Variants in CPHXL2 observed in about 807,000 individuals in gnomAD.
CPHXL2 encodes cytoplasmic polyadenylated homeobox like 2, also known as cytoplasmic polyadenylated homeobox-like protein 2.
At chr16:75,674,099 G>A in the CPHXL2 span, among the ~76,000 whole-genome samples, 1 of 148,688 alleles carries the variant, frequency 6.7e-6, no homozygotes, top group Non-Finnish European at 1.5e-5. Context: ...TTTGGCTGGG[G>A]GTGGTGGCTC....
chr16:75,661,200 CTT>C, the CPHXL2 span: 3 of 400,640 alleles, frequency 7.5e-6, no homozygotes, highest in Admixed American at 4.4e-5. Context: ...AAGAAATATT[CTT>C]TGTCTTTCTT....
chr16:75,665,077 A>G, the CPHXL2 span, among the ~76,000 whole-genome samples: 1 of 152,236 alleles, frequency 6.6e-6, no homozygotes, highest in South Asian at 2.1e-4. Context: ...GGCAGCGCTC[A>G]TGAGAGTCTA....
the CPHXL2 span, among the ~76,000 whole-genome samples, chr16:75,668,623 G>A: frequency 6.6e-6 from 1 of 152,168 alleles, no homozygotes; most frequent in South Asian, 2.1e-4. Context: ...ATAAAACTGT[G>A]TAGAATTTGC....
chr16:75,660,850 A>G, the CPHXL2 span: 1 of 398,424 alleles, frequency 2.5e-6, no homozygotes, highest in Non-Finnish European at 4.4e-6. Flanking sequence ...TCACCTCCAT[A>G]CTCCAAAGCA....
At chr16:75,671,167 G>C in the CPHXL2 span, among the ~76,000 whole-genome samples, 1 of 152,124 alleles carries the variant, frequency 6.6e-6, no homozygotes, top group Non-Finnish European at 1.5e-5. Context: ...CAGATAACTT[G>C]AGGTCAGGAG....
chr16:75,667,796 A>G, the CPHXL2 span, among the ~76,000 whole-genome samples: 1 of 152,240 alleles, frequency 6.6e-6, no homozygotes, highest in Non-Finnish European at 1.5e-5. Flanking sequence ...GACATGTGAA[A>G]CATGTGTCCA....
At chr16:75,667,324 A>G in the CPHXL2 span, among the ~76,000 whole-genome samples, 1 of 151,934 alleles carries the variant, frequency 6.6e-6, no homozygotes, top group Non-Finnish European at 1.5e-5. Flanking sequence ...AAAAAAAAAA[A>G]AAAAAATTAG....
At chr16:75,669,037 G>A in the CPHXL2 span, among the ~76,000 whole-genome samples, 3 of 152,038 alleles carry the variant, frequency 2.0e-5, no homozygotes, top group African/African-American at 7.2e-5. Context: ...GGAAATGGCT[G>A]GAGATGGTGG....
the CPHXL2 span, among the ~76,000 whole-genome samples, chr16:75,664,309 T>C: frequency 2.2e-4 from 33 of 152,328 alleles, no homozygotes; most frequent in African/African-American, 7.7e-4. Context: ...TTAAGATCTG[T>C]CTCAGATACT....
chr16:75,663,811 G>A, the CPHXL2 span, among the ~76,000 whole-genome samples: 1 of 151,010 alleles, frequency 6.6e-6, no homozygotes, highest in African/African-American at 2.5e-5. Context: ...GCATGAACCT[G>A]GGAGGCGGAG....
At chr16:75,665,364 A>C in the CPHXL2 span, among the ~76,000 whole-genome samples, 7 of 152,362 alleles carry the variant, frequency 4.6e-5, no homozygotes, top group East Asian at 5.8e-4. Context: ...ATCAGCCAAG[A>C]ATTTTGTATC....
At chr16:75,674,775 T>A in the CPHXL2 span, among the ~76,000 whole-genome samples, 1 of 151,680 alleles carries the variant, frequency 6.6e-6, no homozygotes, top group South Asian at 2.1e-4. Context: ...AGTGGCACGA[T>A]CTCGGCTCAC....
At chr16:75,663,602 A>G in the CPHXL2 span, among the ~76,000 whole-genome samples, 15 of 152,114 alleles carry the variant, frequency 9.9e-5, no homozygotes, top group East Asian at 2.9e-3. Context: ...ACATAGAACA[A>G]GGTTGGCGCG....
At chr16:75,670,834 A>C in the CPHXL2 span, among the ~76,000 whole-genome samples, 1 of 152,112 alleles carries the variant, frequency 6.6e-6, no homozygotes, top group South Asian at 2.1e-4. Context: ...AGCCTTACTC[A>C]ATCTGTACCC....
the CPHXL2 span, among the ~76,000 whole-genome samples, chr16:75,676,590 G>C: frequency 6.6e-6 from 1 of 152,126 alleles, no homozygotes; most frequent in African/African-American, 2.4e-5. Context: ...CCAAAGTGTT[G>C]GGATTACAGG....
At chr16:75,661,079 C>G in the CPHXL2 span, 1 of 400,850 alleles carries the variant, frequency 2.5e-6, no homozygotes, top group Non-Finnish European at 4.4e-6. Flanking sequence ...TCAGAGCCCT[C>G]TTGGCACAGG....
the CPHXL2 span, among the ~76,000 whole-genome samples, chr16:75,666,728 G>C: frequency 2.0e-5 from 3 of 151,938 alleles, no homozygotes; most frequent in Non-Finnish European, 4.4e-5. Flanking sequence ...GGAACAAATG[G>C]ACTTCACAGA....
the CPHXL2 span, among the ~76,000 whole-genome samples, chr16:75,662,838 G>T: frequency 2.2e-5 from 3 of 139,056 alleles, no homozygotes; most frequent in African/African-American, 8.1e-5. Context: ...TCGCTCTGTC[G>T]TCCAGGCTGG....
the CPHXL2 span, chr16:75,669,465 T>C: frequency 2.5e-6 from 1 of 400,644 alleles, no homozygotes; most frequent in Non-Finnish European, 4.4e-6. Context: ...GTTCCTGCAA[T>C]AATTCTTCAG....
Sources: allele counts gnomAD v4.1 joint callset (sites outside exome capture counted in the v4.1 genomes callset), GRCh38; gene constraint gnomAD v4.1.1; transcripts MANE v1.5; gene names NCBI Gene and HGNC (gene_info 2026-07-23, HGNC 2026-07-21).